Variants in CSMD1 observed in about 807,000 individuals in gnomAD.
CSMD1 encodes CUB and sushi domain-containing protein 1.
Under a neutral mutation model 417.5 loss-of-function variants are expected in CSMD1, and 213 were observed. That is an observed-to-expected ratio of 0.51 (90% CI 0.46 to 0.57). The LOEUF (loss-of-function observed/expected upper bound fraction) is 0.57. CSMD1 is among the 20% of genes least tolerant of loss of function. CSMD1 has a pLI of 0.00. For synonymous variants in CSMD1, 2,862 were observed against 1,736.8 expected (o/e 1.65, Z -16.11); for missense variants, 6,923 against 4,529.7 (o/e 1.53, Z -15.17).
intron 3 of CSMD1, among the ~76,000 whole-genome samples, chr8:4,081,657 T>C (rs1228183601): frequency 6.6e-6 from 1 of 152,192 alleles, no homozygotes; most frequent in Admixed American, 6.5e-5. Flanking sequence ...GATACTATGC[T>C]ACACAATGCA....
At chr8:3,165,746 G>A (rs1014961084) in intron 37 of CSMD1, among the ~76,000 whole-genome samples, 1 of 152,058 alleles carries the variant, frequency 6.6e-6, no homozygotes, top group East Asian at 1.9e-4. Flanking sequence ...CAGATGCAGG[G>A]GCAGAAGACA....
chr8:3,847,923 A>T (rs1803620570), intron 5 of CSMD1, among the ~76,000 whole-genome samples: 1 of 152,142 alleles, frequency 6.6e-6, no homozygotes, highest in Non-Finnish European at 1.5e-5. Flanking sequence ...AATAAAGGTA[A>T]GTGCATATTT....
At chr8:4,900,760 A>C (rs1194642191) in intron 1 of CSMD1, among the ~76,000 whole-genome samples, 2 of 152,178 alleles carry the variant, frequency 1.3e-5, no homozygotes, top group Admixed American at 6.5e-5. Flanking sequence ...TTCAGCTCAG[A>C]ATCACATTCT....
intron 3 of CSMD1, among the ~76,000 whole-genome samples, chr8:4,079,966 A>G (rs1424531691): frequency 6.6e-6 from 1 of 151,930 alleles, no homozygotes; most frequent in Non-Finnish European, 1.5e-5. Flanking sequence ...TATAAAAAAT[A>G]ATTTAAAGAT....
At chr8:3,074,495 A>G (rs1356903106) in intron 49 of CSMD1, among the ~76,000 whole-genome samples, 1 of 152,230 alleles carries the variant, frequency 6.6e-6, no homozygotes, top group Non-Finnish European at 1.5e-5. Flanking sequence ...TTCCAGAAGC[A>G]AGCCGTCACA....
At chr8:4,755,712 C>T (rs140857757) in intron 1 of CSMD1, among the ~76,000 whole-genome samples, 6 of 152,310 alleles carry the variant, frequency 3.9e-5, no homozygotes, top group Admixed American at 2.0e-4. Context: ...AATTTTGAAT[C>T]TTGCTTCCGT....
chr8:4,671,643 C>T (rs574513608), intron 1 of CSMD1, among the ~76,000 whole-genome samples: 3 of 152,226 alleles, frequency 2.0e-5, no homozygotes, highest in African/African-American at 7.2e-5. Context: ...TCAACTAAAA[C>T]GTTTTAAAAT....
intron 3 of CSMD1, among the ~76,000 whole-genome samples, chr8:4,133,581 G>A (rs373769814): frequency 2.4e-4 from 36 of 152,164 alleles, no homozygotes; most frequent in African/African-American, 3.4e-4. Context: ...CATTAACGCC[G>A]ATATGTGTAA....
At chr8:3,072,632 T>G (rs1813396916) in intron 49 of CSMD1, among the ~76,000 whole-genome samples, 1 of 152,192 alleles carries the variant, frequency 6.6e-6, no homozygotes, top group Non-Finnish European at 1.5e-5. Context: ...GTTTCATTTG[T>G]GGGCCTCCTT....
At chr8:3,500,670 T>C (rs1796563087) in intron 10 of CSMD1, among the ~76,000 whole-genome samples, 1 of 152,102 alleles carries the variant, frequency 6.6e-6, no homozygotes, top group African/African-American at 2.4e-5. Flanking sequence ...GAGGGAGTGA[T>C]CACATGTGTT....
At chr8:3,254,551 T>C (rs1180489709) in intron 26 of CSMD1, among the ~76,000 whole-genome samples, 1 of 152,208 alleles carries the variant, frequency 6.6e-6, no homozygotes, top group East Asian at 1.9e-4. Flanking sequence ...TAGTCCCATA[T>C]TTCTTGGAGG....
chr8:3,716,552 C>T (rs912401478), intron 6 of CSMD1, among the ~76,000 whole-genome samples: 1 of 152,150 alleles, frequency 6.6e-6, no homozygotes, highest in African/African-American at 2.4e-5. Context: ...GAGTCACTCT[C>T]GTCCCCGTCT....
At chr8:3,804,596 G>T (rs1368968312) in intron 5 of CSMD1, among the ~76,000 whole-genome samples, 1 of 151,978 alleles carries the variant, frequency 6.6e-6, no homozygotes, top group African/African-American at 2.4e-5. Context: ...TGCATATTTT[G>T]TAGTATCTTT....
intron 3 of CSMD1, among the ~76,000 whole-genome samples, chr8:4,270,665 T>C (rs962267817): frequency 1.3e-5 from 2 of 152,220 alleles, no homozygotes; most frequent in Non-Finnish European, 2.9e-5. Flanking sequence ...TGTCTGCCAA[T>C]GTAGCTCCTT....
At chr8:3,614,350 C>G (rs1399598304) in intron 8 of CSMD1, among the ~76,000 whole-genome samples, 2 of 151,386 alleles carry the variant, frequency 1.3e-5, no homozygotes, top group Non-Finnish European at 2.9e-5. Flanking sequence ...CCCTACACCG[C>G]CCCCCGAGCC....
chr8:4,316,172 A>G (rs932951235), intron 3 of CSMD1, among the ~76,000 whole-genome samples: 16 of 152,276 alleles, frequency 1.1e-4, no homozygotes, highest in Admixed American at 1.0e-3. Context: ...AATTATGTAG[A>G]TTAGCTAAAT....
chr8:3,742,816 C>T lies in CSMD1; in HGVS notation c.931+11114G>A, dbSNP rs143076534. On this transcript the variant is annotated intron_variant, in intron 6 of 69. Coordinates refer to ENST00000635120, the MANE Select transcript of CSMD1 (RefSeq NM_033225.6). ...AACAAAAAACAAACAGAGAACTCCT[C>T]ATATAAGGAGACCCAACTTCTTCAC... 5.7e-3 allele frequency among the ~76,000 whole-genome samples: 866 copies of T among 152,312 alleles called. 36 individuals carry two copies. Among genetic ancestry groups the T allele is most frequent in the Admixed American group, 0.053 (812 of 15,292 alleles).
intron 1 of CSMD1, among the ~76,000 whole-genome samples, chr8:4,674,111 C>A (rs1179857100): frequency 6.6e-6 from 1 of 152,162 alleles, no homozygotes; most frequent in Non-Finnish European, 1.5e-5. Flanking sequence ...AAACCAGATT[C>A]AAACATTGGC....
chr8:3,704,090 A>C (rs1323112683), intron 7 of CSMD1, among the ~76,000 whole-genome samples: 1 of 152,140 alleles, frequency 6.6e-6, no homozygotes. Context: ...AAACAAAAAA[A>C]CTTAGCTCTC....
Sources: allele counts gnomAD v4.1 joint callset (sites outside exome capture counted in the v4.1 genomes callset), GRCh38; gene constraint gnomAD v4.1.1; transcripts MANE v1.5; gene names NCBI Gene and HGNC (gene_info 2026-07-23, HGNC 2026-07-21).